RAB3GAP2: variants seen among roughly 807,000 people sequenced by gnomAD.
The protein encoded by RAB3GAP2 is rab3 GTPase-activating protein non-catalytic subunit.
Under a neutral mutation model 185.3 loss-of-function variants are expected in RAB3GAP2, and 87 were observed. That is an observed-to-expected ratio of 0.47 (90% CI 0.39 to 0.56). The LOEUF (loss-of-function observed/expected upper bound fraction) is 0.56, where lower values mean the gene tolerates loss of function less well. Ranked by LOEUF, RAB3GAP2 falls within the 20% of genes least tolerant of loss-of-function variation. The probability of loss-of-function intolerance (pLI) is 0.00; values close to 1 mark genes in which losing one functional copy is unlikely to be tolerated. For synonymous variants in RAB3GAP2, 554 were observed against 576.1 expected (o/e 0.96, Z 0.55); for missense variants, 1,492 against 1,638.2 (o/e 0.91, Z 1.54).
intron 17 of RAB3GAP2, among the ~76,000 whole-genome samples, chr1:220,187,640 G>T (rs1048933537): frequency 6.6e-6 from 1 of 152,046 alleles, no homozygotes; most frequent in Admixed American, 6.6e-5. Context: ...AAAGGACAAG[G>T]GTTGGAAGAG....
intron 20 of RAB3GAP2, 108 bp from the exon 21 acceptor site, chr1:220,182,462 G>C: frequency 6.5e-7 from 1 of 1,540,346 alleles, no homozygotes; most frequent in South Asian, 1.2e-5. Context: ...CATTATGAAG[G>C]AAGAGAAATT....
chr1:220,261,335 G>A (rs1417207489), intron 1 of RAB3GAP2, among the ~76,000 whole-genome samples: 2 of 152,156 alleles, frequency 1.3e-5, no homozygotes, highest in Non-Finnish European at 2.9e-5. Context: ...ATTGTATTAA[G>A]CATAGTACTC....
At chr1:220,262,567 T>G (rs1660160977) in intron 1 of RAB3GAP2, among the ~76,000 whole-genome samples, 1 of 152,254 alleles carries the variant, frequency 6.6e-6, no homozygotes, top group African/African-American at 2.4e-5. Context: ...AATCATATAG[T>G]AGTTGTCTTT....
chr1:220,268,786 G>C (rs1237182561), intron 1 of RAB3GAP2, among the ~76,000 whole-genome samples: 1 of 152,128 alleles, frequency 6.6e-6, no homozygotes, highest in Non-Finnish European at 1.5e-5. Flanking sequence ...AATTAATCTA[G>C]ATGTTTGGGG....
chr1:220,151,693 A>G lies in RAB3GAP2; in HGVS notation c.3939T>C (p.Ala1313=). 6.2e-7 allele frequency: 1 copy of G among 1,611,692 alleles called. No individual in the cohort carries two copies. Among genetic ancestry groups the G allele is most frequent in the Non-Finnish European group, 8.5e-7 (1 of 1,177,782 alleles). The change falls in exon 34 of 35, where the codon GCT becomes GCC. Residue 1313 remains alanine, a synonymous_variant. Coordinates refer to ENST00000358951, the MANE Select transcript of RAB3GAP2 (RefSeq NM_012414.4). ...TTGTCTGGGTGTGGAGAAGCGCATG[A>G]GCCAGCCTTTGCCCCGTGAGCACCA... ...QLLVLTGQRL[A]HALLHTQTKE...
intron 4 of RAB3GAP2, 73 bp downstream of exon 4, chr1:220,212,814 G>T: frequency 8.0e-7 from 1 of 1,249,448 alleles, no homozygotes; most frequent in Non-Finnish European, 1.2e-6. Flanking sequence ...CTTTTTAATA[G>T]ATTCACCTAC....
intron 23 of RAB3GAP2, 91 bp from the exon 24 acceptor site, chr1:220,171,211 G>C: frequency 4.6e-6 from 5 of 1,096,926 alleles, no homozygotes; most frequent in South Asian, 1.3e-5. Flanking sequence ...GATGGATACT[G>C]AGGATACATC....
rs1182925264 is a variant in RAB3GAP2 at position 220,213,930 on chromosome 1, T to A, written c.230A>T (p.Asp77Val). The change falls in exon 3 of 35, where the codon GAT becomes GTT. Residue 77 changes from aspartate to valine, a missense_variant. By Grantham distance (152) the Asp-to-Val change is radical. Coordinates refer to ENST00000358951, the MANE Select transcript of RAB3GAP2 (RefSeq NM_012414.4). ...GGTTGGAGATAAGGATAAAACACAA[T>A]CTTGGAGCCAGGAAGTTTTTTGTGT... ...CKTQKTSWLQ[D>V]CVLSLSPTND... 8.1e-6 allele frequency: 13 copies of A among 1,613,260 alleles called. No homozygotes were observed. The highest frequency in any genetic ancestry group is 3.3e-5 in the Admixed American group (2 of 59,994).
intron 12 of RAB3GAP2, 54 bp from the exon 13 acceptor site, chr1:220,193,433 A>G (rs1204757042): frequency 3.9e-6 from 6 of 1,544,306 alleles, no homozygotes; most frequent in Non-Finnish European, 5.3e-6. Flanking sequence ...TCAGAAACAT[A>G]TAACAGAATA....
At chr1:220,213,773 CATT>C in intron 3 of RAB3GAP2, 80 bp downstream of exon 3, 1 of 1,334,962 alleles carries the variant, frequency 7.5e-7, no homozygotes, top group Non-Finnish European at 1.0e-6. Flanking sequence ...AAATAAAAAG[CATT>C]ATATTCTTTT....
intron 21 of RAB3GAP2, among the ~76,000 whole-genome samples, chr1:220,179,244 C>CA (rs71169437): frequency 0.3 from 16,805 of 56,578 alleles, 2,948 homozygotes; most frequent in East Asian, 0.42. Context: ...GAGACTGTCT[C>CA]AAAAAAAAAA....
At chr1:220,252,620 C>T (rs530093346) in intron 1 of RAB3GAP2, among the ~76,000 whole-genome samples, 2 of 152,304 alleles carry the variant, frequency 1.3e-5, no homozygotes, top group Admixed American at 6.5e-5. Flanking sequence ...CGTCACCTCC[C>T]GCCAAGAGAA....
At chr1:220,180,023 G>A (rs1385197466) in intron 21 of RAB3GAP2, among the ~76,000 whole-genome samples, 1 of 152,086 alleles carries the variant, frequency 6.6e-6, no homozygotes, top group Non-Finnish European at 1.5e-5. Flanking sequence ...TTAGCTGGGT[G>A]TGGTGGCGCA....
chr1:220,215,384 G>A (rs956196335), intron 2 of RAB3GAP2, among the ~76,000 whole-genome samples: 1 of 152,038 alleles, frequency 6.6e-6, no homozygotes, highest in Non-Finnish European at 1.5e-5. Context: ...TATTTTAATG[G>A]CGGATCTCTG....
intron 1 of RAB3GAP2, among the ~76,000 whole-genome samples, chr1:220,255,521 C>A (rs190761721): frequency 8.5e-5 from 13 of 152,266 alleles, no homozygotes; most frequent in Admixed American, 7.2e-4. Flanking sequence ...TGCAAAGAAG[C>A]TAAGAATCAT....
intron 1 of RAB3GAP2, among the ~76,000 whole-genome samples, chr1:220,235,783 A>G (rs1462408862): frequency 6.6e-6 from 1 of 152,142 alleles, no homozygotes; most frequent in African/African-American, 2.4e-5. Context: ...TGGATTTCCT[A>G]CCCCTGCAGA....
intron 1 of RAB3GAP2, among the ~76,000 whole-genome samples, chr1:220,260,463 G>A (rs912372675): frequency 6.6e-6 from 1 of 152,180 alleles, no homozygotes; most frequent in Non-Finnish European, 1.5e-5. Flanking sequence ...GATGGAGTTG[G>A]AGGCCATTAT....
At chr1:220,244,345 C>G (rs1383855601) in intron 1 of RAB3GAP2, among the ~76,000 whole-genome samples, 1 of 152,108 alleles carries the variant, frequency 6.6e-6, no homozygotes, top group Non-Finnish European at 1.5e-5. Flanking sequence ...ATATACTTAA[C>G]CAAGAAGGCA....
At position 220,151,180 on chromosome 1, in the gene RAB3GAP2, TA is replaced by T; in HGVS notation, c.*70del. The T allele has an allele frequency of 6.8e-7, 1 of 1,471,214 alleles. No individual in the cohort carries two copies. The highest frequency in any genetic ancestry group is 9.4e-7 in the Non-Finnish European group (1 of 1,061,048). 91.1% of individuals were successfully genotyped at this position (1,471,214 alleles called of 1,614,324 possible). On this transcript the variant is annotated 3_prime_UTR_variant, in exon 35 of 35. Transcript: ENST00000358951. ...ACTTTTCCCATAAAATTCCAGGTCTTACTATGTAAAATAACCATGCACTACT... is the reference window on the plus strand; with the variant it reads ...ACTTTTCCCATAAAATTCCAGGTCTTCTATGTAAAATAACCATGCACTACT...
Sources: allele counts gnomAD v4.1 joint callset (sites outside exome capture counted in the v4.1 genomes callset), GRCh38; gene constraint gnomAD v4.1.1; transcripts MANE v1.5; gene names NCBI Gene and HGNC (gene_info 2026-07-23, HGNC 2026-07-21).